Variants in SORCS3 observed in about 807,000 individuals in gnomAD.
The protein encoded by SORCS3 is VPS10 domain-containing receptor SorCS3.
SORCS3 carries 57 observed loss-of-function variants against 146.3 expected under a neutral mutation model. The observed-to-expected ratio is 0.39, with a 90% CI of 0.31 to 0.49. The LOEUF (loss-of-function observed/expected upper bound fraction) is 0.49, where lower values mean the gene tolerates loss of function less well. Among genes scored for constraint, SORCS3 ranks in the 20% least tolerant of loss-of-function variants. The pLI is 0.92. For synonymous variants in SORCS3, 653 were observed against 618.5 expected (o/e 1.06, Z -0.83); for missense variants, 1,341 against 1,575.5 (o/e 0.85, Z 2.52).
chr10:104,851,869 C>A (rs2133553741), intron 2 of SORCS3, among the ~76,000 whole-genome samples: 1 of 152,272 alleles, frequency 6.6e-6, no homozygotes, highest in Admixed American at 6.5e-5. Flanking sequence ...AGGTTTCTGG[C>A]AAATTCCCTT....
rs71482443 is a variant in SORCS3 at position 105,016,155 on chromosome 10, A to ATATATT, written c.955-26899_955-26898insATATTT. On this transcript the variant is annotated intron_variant, in intron 4 of 26. Transcript: ENST00000369701. Reference sequence around the variant, plus strand: ...TATAAATATATATATATATATATATATTTTTTTTTTTTTTTGAGATGGAGT... The same window carrying ATATATT: ...TATAAATATATATATATATATATATATATATTTTTTTTTTTTTTTTTGAGATGGAGT... 1.4e-3 allele frequency among the ~76,000 whole-genome samples: 145 copies of ATATATT among 101,322 alleles called. 1 individual carries two copies. The highest frequency in any genetic ancestry group is 1.8e-3 in the Non-Finnish European group (96 of 53,942). The allele number at this position is 101,322 out of a possible 152,430, so 66.5% of individuals were successfully genotyped here. A position where few individuals can be genotyped will look rare whatever the true frequency, so the allele number is the denominator to read the frequency against.
intron 8 of SORCS3, among the ~76,000 whole-genome samples, chr10:105,141,029 A>G (rs1421821451): frequency 6.6e-6 from 1 of 152,198 alleles, no homozygotes; most frequent in Non-Finnish European, 1.5e-5. Flanking sequence ...TAAGCCTAGG[A>G]AATGAGTTTA....
At chr10:104,721,490 G>A (rs9665029) in intron 1 of SORCS3, among the ~76,000 whole-genome samples, 4,677 of 151,744 alleles carry the variant, frequency 0.031, 229 homozygotes, top group African/African-American at 0.1. Flanking sequence ...GAACTTTAAA[G>A]TAGTTTTTTC....
At chr10:104,731,990 G>C (rs2016711622) in intron 1 of SORCS3, among the ~76,000 whole-genome samples, 1 of 152,126 alleles carries the variant, frequency 6.6e-6, no homozygotes, top group Non-Finnish European at 1.5e-5. Flanking sequence ...CTAAACCTCA[G>C]TTTCTTTAAC....
intron 1 of SORCS3, among the ~76,000 whole-genome samples, chr10:104,702,854 T>C (rs573456688): frequency 2.2e-4 from 34 of 152,328 alleles, no homozygotes; most frequent in Admixed American, 1.9e-3. Context: ...TATACGAATA[T>C]CTAGCTTGCT....
chr10:105,219,545 A>G (rs910917735), intron 19 of SORCS3, among the ~76,000 whole-genome samples: 1 of 152,198 alleles, frequency 6.6e-6, no homozygotes, highest in Non-Finnish European at 1.5e-5. Flanking sequence ...GGATGTTCCC[A>G]GATACCAGCC....
intron 5 of SORCS3, among the ~76,000 whole-genome samples, chr10:105,081,007 A>G (rs1435785356): frequency 2.0e-5 from 3 of 152,234 alleles, no homozygotes; most frequent in Non-Finnish European, 2.9e-5. Context: ...TAAATGAGGT[A>G]ATGGATATGT....
intron 2 of SORCS3, among the ~76,000 whole-genome samples, chr10:104,903,660 T>C (rs1051145364): frequency 6.6e-6 from 1 of 152,210 alleles, no homozygotes; most frequent in African/African-American, 2.4e-5. Context: ...CAGTGACCCC[T>C]GGTAGCCTCC....
At chr10:104,663,818 C>A (rs1940520679) in intron 1 of SORCS3, among the ~76,000 whole-genome samples, 1 of 152,060 alleles carries the variant, frequency 6.6e-6, no homozygotes, top group African/African-American at 2.4e-5. Context: ...CTGGCAGCCC[C>A]CCACTCCTCT....
chr10:105,161,984 G>A (rs1319829959), intron 11 of SORCS3, among the ~76,000 whole-genome samples: 1 of 151,810 alleles, frequency 6.6e-6, no homozygotes, highest in Non-Finnish European at 1.5e-5. Context: ...TGTTCTTTCT[G>A]TGGAGGCCCT....
rs1353387641 is a variant in SORCS3 at position 105,164,304 on chromosome 10, C to A, written c.1734C>A (p.Gly578=). 1.2e-6 allele frequency: 2 copies of A among 1,612,004 alleles called. No individual in the cohort carries two copies. The highest frequency in any genetic ancestry group is 2.2e-5 in the South Asian group (2 of 91,036). Residue 578 remains glycine (G), a splice_region_variant and synonymous_variant, in exon 12 of 27, where the codon GGC becomes GGA. Coordinates refer to ENST00000369701, the MANE Select transcript of SORCS3 (RefSeq NM_014978.3). ...TCAAATGATCTGCTTATGTTTCAGG[C>A]AACATTGGCCCGGAGCTCTCATATA... ...ETAPGLVVAT[G]NIGPELSYTD... is the part of the protein sequence containing the mutation.
At chr10:104,726,045 A>G (rs570072222) in intron 1 of SORCS3, among the ~76,000 whole-genome samples, 2 of 152,192 alleles carry the variant, frequency 1.3e-5, no homozygotes, top group Non-Finnish European at 2.9e-5. Flanking sequence ...GAAATGCAGA[A>G]ATCACCTGTC....
intron 1 of SORCS3, among the ~76,000 whole-genome samples, chr10:104,651,604 G>A (rs903034391): frequency 6.6e-6 from 1 of 151,824 alleles, no homozygotes; most frequent in Non-Finnish European, 1.5e-5. Context: ...TACACGGGAG[G>A]CTGAGGCTGG....
At chr10:104,926,469 T>C (rs2019146589) in intron 3 of SORCS3, among the ~76,000 whole-genome samples, 1 of 152,158 alleles carries the variant, frequency 6.6e-6, no homozygotes, top group African/African-American at 2.4e-5. Flanking sequence ...ACCTCCCTCA[T>C]TTACTGATTC....
intron 6 of SORCS3, 50 bp downstream of exon 6, chr10:105,089,889 C>A: frequency 3.5e-6 from 5 of 1,439,206 alleles, no homozygotes; most frequent in Non-Finnish European, 4.9e-6. Flanking sequence ...GCCTGCAGGT[C>A]TCTGTCCTCC....
At chr10:105,039,778 G>C (rs986250180) in intron 4 of SORCS3, among the ~76,000 whole-genome samples, 1 of 152,064 alleles carries the variant, frequency 6.6e-6, no homozygotes, top group African/African-American at 2.4e-5. Context: ...ATGTTAGAAA[G>C]AGCGTGAGAG....
chr10:105,188,872 C>A (rs76793637), intron 14 of SORCS3, among the ~76,000 whole-genome samples: 1 of 152,076 alleles, frequency 6.6e-6, no homozygotes, highest in Admixed American at 6.6e-5. Context: ...AGGATTGAGT[C>A]GGGATTTGTG....
chr10:104,959,886 G>A (rs2054782916), intron 3 of SORCS3, among the ~76,000 whole-genome samples: 1 of 152,016 alleles, frequency 6.6e-6, no homozygotes, highest in Admixed American at 6.6e-5. Flanking sequence ...CTCTCCTCTG[G>A]GTGAACAGGA....
At chr10:105,150,834 C>A (rs1304641973) in intron 9 of SORCS3, among the ~76,000 whole-genome samples, 1 of 152,078 alleles carries the variant, frequency 6.6e-6, no homozygotes, top group East Asian at 1.9e-4. Context: ...CTCTAGGGGT[C>A]ATTAGAATTT....
Sources: allele counts gnomAD v4.1 joint callset (sites outside exome capture counted in the v4.1 genomes callset), GRCh38; gene constraint gnomAD v4.1.1; transcripts MANE v1.5; gene names NCBI Gene and HGNC (gene_info 2026-07-23, HGNC 2026-07-21).